Variants in PDCD10 observed in about 807,000 individuals in gnomAD.
The protein encoded by PDCD10 is programmed cell death protein 10.
A neutral mutation model predicts 29.2 loss-of-function variants in PDCD10; 4 were observed. The ratio of observed to expected loss-of-function variants is 0.14; its 90% CI spans 0.07 to 0.31. The LOEUF (loss-of-function observed/expected upper bound fraction) is 0.31, where lower values mean the gene tolerates loss of function less well. Ranked by LOEUF, PDCD10 falls within the 10% of genes least tolerant of loss-of-function variation. PDCD10 has a pLI of 1.00. For missense variants in PDCD10, 183 were observed against 257.9 expected, an observed-to-expected ratio of 0.71 and a Z score of 1.99; for synonymous variants, 70 against 82.2, an observed-to-expected ratio of 0.85 and a Z score of 0.80.
In PDCD10 at chr3:167,704,724, G is replaced by A. The variant is rs1194428242; in HGVS notation, c.150+118C>T. 8 of 720,912 alleles carry A rather than the reference G, an allele frequency of 1.1e-5. No individual in the cohort carries two copies. The Admixed American group carries it at 1.3e-4, about 12-fold the overall frequency. 44.7% of individuals were successfully genotyped at this position (720,912 alleles called of 1,614,324 possible). A position where few individuals can be genotyped will look rare whatever the true frequency, so the allele number is the denominator to read the frequency against. On this transcript the variant is annotated intron_variant, in intron 4 of 8. Transcript: ENST00000392750. Reference sequence around the variant, plus strand: ...AAGCTTTATGGAATATAGTAAAACAGGCATAAGATGGCTAAAAAGGCTTTC... The same window carrying A: ...AAGCTTTATGGAATATAGTAAAACAAGCATAAGATGGCTAAAAAGGCTTTC...
intron 4 of PDCD10, among the ~76,000 whole-genome samples, chr3:167,702,004 G>T (rs1480909707): frequency 6.6e-6 from 1 of 152,132 alleles, no homozygotes; most frequent in Non-Finnish European, 1.5e-5. Flanking sequence ...AAAACAAATG[G>T]ACATTAGACA....
intron 3 of PDCD10, among the ~76,000 whole-genome samples, chr3:167,707,108 A>G (rs1332665223): frequency 6.6e-6 from 1 of 152,164 alleles, no homozygotes; most frequent in Admixed American, 6.5e-5. Flanking sequence ...AAGCAGCTAT[A>G]TGAAAAGTGG....
chr3:167,688,853 A>G (rs990624885), intron 6 of PDCD10, among the ~76,000 whole-genome samples: 10 of 152,280 alleles, frequency 6.6e-5, no homozygotes, highest in South Asian at 2.1e-4. Flanking sequence ...TTTCAAGGGG[A>G]AAAAAACCTC....
At chr3:167,698,829 G>GA (rs1412496820) in intron 4 of PDCD10, among the ~76,000 whole-genome samples, 1 of 152,058 alleles carries the variant, frequency 6.6e-6, no homozygotes, top group Non-Finnish European at 1.5e-5. Context: ...TTAAAATGCT[G>GA]AAAGTCTGAG....
chr3:167,708,051 G>C (rs920021230), intron 3 of PDCD10, among the ~76,000 whole-genome samples: 1 of 152,148 alleles, frequency 6.6e-6, no homozygotes, highest in Non-Finnish European at 1.5e-5. Flanking sequence ...ACTGTTTTGT[G>C]AACTCCTTCT....
chr3:167,719,628 G>C (rs557077202), intron 3 of PDCD10, among the ~76,000 whole-genome samples: 1 of 152,068 alleles, frequency 6.6e-6, no homozygotes, highest in African/African-American at 2.4e-5. Flanking sequence ...TGCTATTCTG[G>C]CTACCTAGAA....
intron 2 of PDCD10, among the ~76,000 whole-genome samples, chr3:167,727,131 G>T (rs1468469803): frequency 6.6e-6 from 1 of 152,062 alleles, no homozygotes; most frequent in Non-Finnish European, 1.5e-5. Context: ...TAGCAGGCTG[G>T]GTTGCACACT....
intron 2 of PDCD10, among the ~76,000 whole-genome samples, chr3:167,722,322 C>T (rs879408112): frequency 2.6e-5 from 4 of 152,054 alleles, no homozygotes; most frequent in African/African-American, 9.7e-5. Flanking sequence ...GTGAACAAGA[C>T]AAGACAGTCT....
intron 2 of PDCD10, 137 bp from the exon 3 acceptor site, chr3:167,720,410 A>G: frequency 2.3e-6 from 1 of 430,690 alleles, no homozygotes; most frequent in South Asian, 2.3e-5. Context: ...TGTGAAAGCA[A>G]ACCTAGTTGG....
intron 3 of PDCD10, among the ~76,000 whole-genome samples, chr3:167,715,912 A>G (rs1232403092): frequency 6.6e-6 from 1 of 151,946 alleles, no homozygotes; most frequent in Non-Finnish European, 1.5e-5. Context: ...CAGCAATCCC[A>G]ATGCTGGGTA....
intron 4 of PDCD10, among the ~76,000 whole-genome samples, chr3:167,702,512 G>T (rs182378144): frequency 7.9e-4 from 120 of 152,252 alleles, no homozygotes; most frequent in Middle Eastern, 3.4e-3. Context: ...GTTAAGATTT[G>T]TGGAAGTCAA....
chr3:167,704,546 T>G, intron 4 of PDCD10: 1 of 253,374 alleles, frequency 3.9e-6, no homozygotes. Flanking sequence ...TTTCAAAAGG[T>G]CAAATAATAG....
intron 2 of PDCD10, among the ~76,000 whole-genome samples, chr3:167,734,001 T>C (rs542968993): frequency 6.6e-6 from 1 of 152,336 alleles, no homozygotes; most frequent in Admixed American, 6.5e-5. Context: ...TTCTTAGATA[T>C]ACTATATAAA....
intron 3 of PDCD10, among the ~76,000 whole-genome samples, chr3:167,707,095 G>C (rs539872295): frequency 6.6e-6 from 1 of 152,280 alleles, no homozygotes; most frequent in African/African-American, 2.4e-5. Flanking sequence ...CATGTACAAC[G>C]TGAAGCAGCT....
chr3:167,696,939 A>T (rs1466783271), intron 5 of PDCD10, 70 bp downstream of exon 5: 4 of 850,682 alleles, frequency 4.7e-6, no homozygotes, highest in Non-Finnish European at 8.2e-6. Flanking sequence ...CCTTTGGTCA[A>T]ATAATAATGA....
In PDCD10 at chr3:167,720,281, AAG is replaced by A; in HGVS notation, c.-116-10_-116-9del. On this transcript the variant is annotated splice_polypyrimidine_tract_variant and intron_variant, in intron 2 of 8. Transcript: ENST00000392750. The stretch of plus-strand genomic sequence containing the variant: ...CACAAAAAACACACTGATCTGGTGA[AAG>A]AGGAAGAAAGAACAGAGACTTACTA... 2 of 688,238 alleles carry A rather than the reference AAG, an allele frequency of 2.9e-6. No individual in the cohort carries two copies. Among genetic ancestry groups the A allele is most frequent in the South Asian group, 1.6e-5 (1 of 62,980 alleles). The allele number at this position is 688,238 out of a possible 1,614,324, so 42.6% of individuals were successfully genotyped here. A position where few individuals can be genotyped will look rare whatever the true frequency, so the allele number is the denominator to read the frequency against.
At chr3:167,698,195 G>A (rs2108413773) in intron 4 of PDCD10, among the ~76,000 whole-genome samples, 1 of 152,286 alleles carries the variant, frequency 6.6e-6, no homozygotes, top group South Asian at 2.1e-4. Flanking sequence ...GTTGTGGGAT[G>A]AAATGAGAAA....
chr3:167,702,183 AC>A, intron 4 of PDCD10, among the ~76,000 whole-genome samples: 2 of 152,276 alleles, frequency 1.3e-5, no homozygotes, highest in Middle Eastern at 6.8e-3. Flanking sequence ...CTGTAAAGTT[AC>A]ACTAAGTGTG....
chr3:167,705,121 TTTAA>T (rs1369267869), intron 3 of PDCD10, among the ~76,000 whole-genome samples: 1 of 152,186 alleles, frequency 6.6e-6, no homozygotes, highest in Non-Finnish European at 1.5e-5. Context: ...CCCATATGCT[TTTAA>T]TTTTTATATC....
Sources: gnomAD v4.1 joint callset for allele counts (sites outside exome capture counted in the v4.1 genomes callset) on GRCh38, gnomAD v4.1.1 for gene constraint, MANE v1.5 for transcripts, NCBI Gene and HGNC (gene_info 2026-07-23, HGNC 2026-07-21) for gene names.